The following PROSER1 variants were observed in gnomAD, a reference collection of about 807,000 sequenced individuals.
The protein encoded by PROSER1 is proline and serine rich 1.
A neutral mutation model predicts 71.8 loss-of-function variants in PROSER1; 36 were observed. That is an observed-to-expected ratio of 0.50 (90% CI 0.38 to 0.66). The LOEUF is 0.66. Among genes scored for constraint, PROSER1 ranks in the 30% least tolerant of loss-of-function variants. The pLI is 0.00. For synonymous variants in PROSER1, 490 were observed against 452.4 expected (o/e 1.08, Z -1.06); for missense variants, 1,107 against 1,135.0 (o/e 0.98, Z 0.35).
rs1383292263 is a variant in PROSER1, at chr13:39,022,429, A to G, written c.644-17T>C. 2 of 1,547,330 alleles carry G rather than the reference A, an allele frequency of 1.3e-6. No individual in the cohort carries two copies. Among genetic ancestry groups the G allele is most frequent in the East Asian group, 4.5e-5 (2 of 44,538 alleles). Reference sequence around the variant, plus strand: ...TATAAGCACCTAAAATAAAAACACAATAGAAAAAAATATACCTTAGGACTG... The same window carrying G: ...TATAAGCACCTAAAATAAAAACACAGTAGAAAAAAATATACCTTAGGACTG... On this transcript the variant is annotated splice_polypyrimidine_tract_variant and intron_variant, in intron 8 of 12. Transcript: ENST00000352251.
intron 1 of PROSER1, among the ~76,000 whole-genome samples, chr13:39,035,635 C>G (rs1042808487): frequency 6.6e-6 from 1 of 152,058 alleles, no homozygotes; most frequent in Non-Finnish European, 1.5e-5. Flanking sequence ...CCTTTCTACT[C>G]CCTTTCCCAG....
intron 12 of PROSER1, 100 bp from the exon 13 acceptor site, chr13:39,011,587 GA>G (rs1373677055): frequency 8.2e-7 from 1 of 1,224,082 alleles, no homozygotes. Flanking sequence ...GAATAGGAAA[GA>G]AAGACAAGAC....
In PROSER1 at chr13:39,027,211, C is replaced by T. The variant is rs150114203; in HGVS notation, c.370-824G>A. On this transcript the variant is annotated intron_variant, in intron 5 of 12. Transcript: ENST00000352251. Reference sequence around the variant, plus strand: ...ATAACCCAGCCCCTCTACTAAATACCCCAACCCTGAAATCATCTGAATTTT... The same window carrying T: ...ATAACCCAGCCCCTCTACTAAATACTCCAACCCTGAAATCATCTGAATTTT... Among the ~76,000 whole-genome samples the T allele has an allele frequency of 8.9e-4, 135 of 152,062 alleles. 3 individuals carry two copies. In the East Asian group the frequency reaches 0.023, roughly 26 times the overall value.
At chr13:39,023,332 C>A (rs980979795) in intron 7 of PROSER1, 6 of 503,190 alleles carry the variant, frequency 1.2e-5, no homozygotes, top group African/African-American at 9.6e-5. Flanking sequence ...GCAGATCTTG[C>A]CAAAGATGGC....
intron 9 of PROSER1, among the ~76,000 whole-genome samples, chr13:39,019,629 G>C (rs1870195436): frequency 6.6e-6 from 1 of 151,596 alleles, no homozygotes; most frequent in Non-Finnish European, 1.5e-5. Context: ...GTAATCATTG[G>C]CGATATTAGA....
chr13:39,020,545 C>T (rs888115712), intron 9 of PROSER1, among the ~76,000 whole-genome samples: 1 of 151,988 alleles, frequency 6.6e-6, no homozygotes, highest in Non-Finnish European at 1.5e-5. Context: ...AAAATAACTA[C>T]AGTGGAATTT....
intron 9 of PROSER1, among the ~76,000 whole-genome samples, chr13:39,021,290 T>C (rs192971509): frequency 2.0e-5 from 3 of 152,292 alleles, no homozygotes; most frequent in African/African-American, 2.4e-5. Context: ...CAGTCATCCA[T>C]CAATTTCAGT....
chr13:39,011,602 A>C (rs995641510), intron 12 of PROSER1, 115 bp from the exon 13 acceptor site: 28 of 1,032,260 alleles, frequency 2.7e-5, no homozygotes, highest in Admixed American at 5.9e-5. Flanking sequence ...ACAAGACAAA[A>C]CTCTGAGGCA....
chr13:39,012,236 A>G lies in PROSER1; in HGVS notation c.2562-3T>C. The G allele has an allele frequency of 5.0e-6, 8 of 1,613,236 alleles. No individual in the cohort carries two copies. Among genetic ancestry groups the G allele is most frequent in the Non-Finnish European group, 5.9e-6 (7 of 1,179,746 alleles). On this transcript the variant is annotated splice_region_variant and splice_polypyrimidine_tract_variant and intron_variant, in intron 11 of 12. Coordinates refer to ENST00000352251, the MANE Select transcript of PROSER1 (RefSeq NM_025138.5). The stretch of plus-strand genomic sequence containing the variant: ...CAGCTTGAAGTCCAGATGATAAACT[A>G]AAACAATTGACAGAAAAACAAGTTA...
rs1869726626 is a variant in PROSER1 at position 39,012,736 on chromosome 13, G to A, written c.2516C>T (p.Ser839Leu). The A allele has an allele frequency of 1.2e-6, 2 of 1,607,366 alleles. No individual in the cohort carries two copies. Among genetic ancestry groups the A allele is most frequent in the African/African-American group, 1.3e-5 (1 of 74,596 alleles). Residue 839 changes from serine to leucine, a missense_variant, in exon 11 of 13, where the codon TCA (serine) becomes TTA (leucine). Physicochemically the swap from Ser to Leu is moderately radical, Grantham distance 145 (BLOSUM62 -2). Coordinates refer to ENST00000352251, the MANE Select transcript of PROSER1 (RefSeq NM_025138.5). Reference protein sequence around the residue: ...SPAPVLPGFASAFSSNFNSAL... With the variant: ...SPAPVLPGFALAFSSNFNSAL... ...GGAGTTGAAATTGGAACTGAATGCT[G>A]AGGCGAATCCTGGGAGGACTGGAGC... is the stretch of plus-strand genomic sequence containing the variant.
At chr13:39,015,083 C>G (rs1327195012) in intron 10 of PROSER1, among the ~76,000 whole-genome samples, 1 of 152,138 alleles carries the variant, frequency 6.6e-6, no homozygotes, top group Non-Finnish European at 1.5e-5. Flanking sequence ...CCTTTAGGGG[C>G]AAAAGCTGTG....
intron 1 of PROSER1, among the ~76,000 whole-genome samples, chr13:39,036,721 T>C (rs1871127303): frequency 6.6e-6 from 1 of 152,164 alleles, no homozygotes; most frequent in Non-Finnish European, 1.5e-5. Context: ...ATGCCACACT[T>C]ACCATCAGGA....
chr13:39,018,791 A>G (rs1374128849), intron 9 of PROSER1, among the ~76,000 whole-genome samples: 4 of 152,280 alleles, frequency 2.6e-5, no homozygotes, highest in African/African-American at 9.6e-5. Flanking sequence ...GCAACAATTA[A>G]AAGAATAACG....
rs550209090 is a variant in PROSER1, at chr13:39,011,463, T to C, written c.2737A>G (p.Ser913Gly). 6.2e-7 allele frequency: 1 copy of C among 1,614,096 alleles called. No homozygotes were observed. The highest frequency in any genetic ancestry group is 8.5e-7 in the Non-Finnish European group (1 of 1,180,012). ...QQVHSASALE[S>G]YPAQPDGFPS... ...AACCCATCAGGCTGAGCTGGATAGC[T>C]TTCCAGAGCCGAAGCTGAATGGACC... Residue 913 changes from serine (S) to glycine (G), a missense_variant, in exon 13 of 13, where the codon AGC becomes GGC. Physicochemically the swap from Ser to Gly is moderately conservative, Grantham distance 56 (BLOSUM62 0). Transcript: ENST00000352251.
In PROSER1 at chr13:39,017,376, T is replaced by A. The variant is rs1039326812; in HGVS notation, c.775+124A>T. On this transcript the variant is annotated intron_variant, in intron 10 of 12. Coordinates refer to ENST00000352251, the MANE Select transcript of PROSER1 (RefSeq NM_025138.5). ...AACCACTTTTAACAAGTATGAATTA[T>A]ATTCTTTAACCAGAAACTTTTCCTA... is the stretch of plus-strand genomic sequence containing the variant. 1.2e-5 allele frequency: 8 copies of A among 682,252 alleles called. No individual in the cohort carries two copies. In the East Asian group the frequency reaches 2.3e-4, roughly 19 times the overall value. 42.3% of individuals were successfully genotyped at this position (682,252 alleles called of 1,614,324 possible).
Position 39,034,161 on chromosome 13 carries a change from T to C in PROSER1, c.81A>G (p.Glu27=), listed in dbSNP as rs1870984702. ...CACTAGAAAAGTATCCATGCACATA[T>C]TCAATTGCTTTTAATTTGTATTCTG... is the stretch of plus-strand genomic sequence containing the variant. ...VLTEYKLKAI[E]YVHGYFSSEQ... The change falls in exon 2 of 13, where the codon GAA becomes GAG. Residue 27 remains glutamate, a synonymous_variant. Transcript: ENST00000352251. 6 of 1,588,044 alleles carry C rather than the reference T, an allele frequency of 3.8e-6. No homozygotes were observed. Among genetic ancestry groups the C allele is most frequent in the Non-Finnish European group, 5.1e-6 (6 of 1,170,906 alleles).
At chr13:39,014,550 A>T in intron 10 of PROSER1, 74 bp from the exon 11 acceptor site, 1 of 1,089,542 alleles carries the variant, frequency 9.2e-7, no homozygotes, top group Non-Finnish European at 1.3e-6. Flanking sequence ...AAAAAGCATA[A>T]CCATTTTTGT....
chr13:39,032,933 T>C lies in PROSER1; in HGVS notation c.111+1198A>G, dbSNP rs536248694. ...TTTTAAAACATTTAATTTTTTTTTT[T>C]TTTTTGAGACAGAGTTTTGCTCTGT... On this transcript the variant is annotated intron_variant, in intron 2 of 12. Coordinates refer to ENST00000352251, the MANE Select transcript of PROSER1 (RefSeq NM_025138.5). 7.2e-5 allele frequency among the ~76,000 whole-genome samples: 11 copies of C among 152,222 alleles called. No homozygotes were observed. The East Asian group carries it at 1.5e-3, about 21-fold the overall frequency.
At chr13:39,017,685 AAAAT>A (rs1167791105) in intron 9 of PROSER1, 141 bp from the exon 10 acceptor site, 10 of 561,082 alleles carry the variant, frequency 1.8e-5, no homozygotes, top group East Asian at 9.3e-5. Context: ...CACATATGGG[AAAAT>A]AAATAAAAAT....
Sources: gnomAD v4.1 joint callset for allele counts (sites outside exome capture counted in the v4.1 genomes callset) on GRCh38, gnomAD v4.1.1 for gene constraint, MANE v1.5 for transcripts, NCBI Gene and HGNC (gene_info 2026-07-23, HGNC 2026-07-21) for gene names.